The following MGST1 variants were observed in gnomAD, a reference collection of about 807,000 sequenced individuals.
MGST1 encodes the protein microsomal glutathione S-transferase 1, also known as glutathione S-transferase 12.
MGST1 carries 5 observed loss-of-function variants against 8.9 expected under a neutral mutation model. The observed-to-expected ratio is 0.56, with a 90% CI of 0.29 to 1.19. MGST1 has a LOEUF of 1.19. MGST1 is among the 50% of genes most tolerant of loss of function. MGST1 has a pLI of 0.08. For synonymous variants in MGST1, 54 were observed against 67.8 expected (o/e 0.80, Z 1.00); for missense variants, 182 against 187.4 (o/e 0.97, Z 0.17).
intron 4 of MGST1, among the ~76,000 whole-genome samples, chr12:16,468,598 T>C (rs1042886876): frequency 1.3e-5 from 2 of 152,198 alleles, no homozygotes; most frequent in African/African-American, 4.8e-5. Context: ...GCTTATTTCA[T>C]CAAAATATGG....
chr12:16,528,356 T>C (rs1941702127), intron 4 of MGST1, among the ~76,000 whole-genome samples: 2 of 151,818 alleles, frequency 1.3e-5, no homozygotes, highest in African/African-American at 4.8e-5. Flanking sequence ...AGTTGTCTTA[T>C]AGAGTGCAAG....
intron 1 of MGST1, among the ~76,000 whole-genome samples, chr12:16,405,584 A>AT (rs1403607436): frequency 6.6e-6 from 1 of 152,196 alleles, no homozygotes; most frequent in Non-Finnish European, 1.5e-5. Context: ...CATCATCTTG[A>AT]TACCAAAACC....
intron 4 of MGST1, among the ~76,000 whole-genome samples, chr12:16,520,537 G>T (rs1418011460): frequency 6.6e-6 from 1 of 152,130 alleles, no homozygotes; most frequent in Non-Finnish European, 1.5e-5. Flanking sequence ...TGTGAAGCAG[G>T]TTCCAGAGTA....
chr12:16,488,285 C>T (rs1420155129), intron 4 of MGST1, among the ~76,000 whole-genome samples: 1 of 152,280 alleles, frequency 6.6e-6, no homozygotes, highest in East Asian at 1.9e-4. Context: ...TAGCTTCACA[C>T]TACTTGAGTA....
chr12:16,527,983 C>T (rs746743121), intron 4 of MGST1, among the ~76,000 whole-genome samples: 67 of 151,868 alleles, frequency 4.4e-4, no homozygotes, highest in African/African-American at 1.5e-3. Context: ...GTTTGCAGAG[C>T]CAGGCAATAT....
chr12:16,468,204 G>A (rs1042465203), intron 4 of MGST1, among the ~76,000 whole-genome samples: 1 of 152,226 alleles, frequency 6.6e-6, no homozygotes, highest in South Asian at 2.1e-4. Context: ...CAATAAGAAC[G>A]AATGTTATTT....
intron 1 of MGST1, among the ~76,000 whole-genome samples, chr12:16,424,534 G>T (rs922779678): frequency 2.0e-5 from 3 of 152,016 alleles, no homozygotes; most frequent in African/African-American, 7.3e-5. Context: ...TTCTTGTAAG[G>T]CCCAGGATTG....
rs1555116337 is a variant in MGST1, at chr12:16,566,038, A to ATATG, written n.483-23488_483-23487insTGTA. Among the ~76,000 whole-genome samples the ATATG allele has an allele frequency of 2.3e-4, 21 of 90,520 alleles. 2 individuals are homozygous for ATATG. Among genetic ancestry groups the ATATG allele is most frequent in the Non-Finnish European group, 3.8e-4 (17 of 44,472 alleles). 59.4% of individuals were successfully genotyped at this position (90,520 alleles called of 152,430 possible). A position where few individuals can be genotyped will look rare whatever the true frequency, so the allele number is the denominator to read the frequency against. On this transcript the variant is annotated intron_variant and non_coding_transcript_variant, in intron 4 of 4. Transcript: ENST00000538857. ...TATATATATATATATATATATATAT[A>ATATG]TAAAATGGAGTACTATTCAGCCATA...
intron 4 of MGST1, among the ~76,000 whole-genome samples, chr12:16,465,397 A>T (rs1373880201): frequency 4.6e-5 from 7 of 152,184 alleles, no homozygotes; most frequent in Admixed American, 4.6e-4. Flanking sequence ...AGAGGTCCCC[A>T]AATCCCGGCC....
rs2137572770 is a variant in MGST1, at chr12:16,585,428, A to G, written n.483-4100A>G. Among the ~76,000 whole-genome samples, 2 of 152,354 alleles carry G rather than the reference A, an allele frequency of 1.3e-5. No individual in the cohort carries two copies. Among genetic ancestry groups the G allele is most frequent in the Middle Eastern group, 3.4e-3 (1 of 294 alleles). ...TATATTAAAGGTTATTTTTGCTACC[A>G]TCTTCATCCTACACAGTGAGCATAA... On this transcript the variant is annotated intron_variant and non_coding_transcript_variant, in intron 4 of 4. Coordinates refer to the MGST1 transcript ENST00000538857. The surrounding 1 kb of genome is among the most constrained non-coding windows in gnomAD (Gnocchi z 4.7).
intron 4 of MGST1, among the ~76,000 whole-genome samples, chr12:16,463,340 A>T (rs1225799271): frequency 2.7e-5 from 4 of 149,518 alleles, no homozygotes; most frequent in Non-Finnish European, 5.9e-5. Context: ...GTGCACAACC[A>T]TGTCCAGCTT....
chr12:16,502,349 C>T (rs548667828), intron 4 of MGST1, among the ~76,000 whole-genome samples: 50 of 152,264 alleles, frequency 3.3e-4, no homozygotes, highest in African/African-American at 1.0e-3. Context: ...CTCCCCAAGT[C>T]CCTAATAAAT....
intron 4 of MGST1, among the ~76,000 whole-genome samples, chr12:16,460,160 T>C (rs1242771966): frequency 6.6e-6 from 1 of 152,148 alleles, no homozygotes; most frequent in Non-Finnish European, 1.5e-5. Context: ...TTAGTTGTTA[T>C]TAGAGTGTCA....
chr12:16,513,472 A>G lies in MGST1; in HGVS notation n.483-76056A>G. On this transcript the variant is annotated intron_variant and non_coding_transcript_variant, in intron 4 of 4. Coordinates refer to the MGST1 transcript ENST00000538857. The surrounding 1 kb of genome is among the most constrained non-coding windows in gnomAD (Gnocchi z 4.2). ...CGGGCTCGCCTCTGATGCCCCTGCC[A>G]GAGCCAGCTCCTGGTGGACCCATGT... is the stretch of plus-strand genomic sequence containing the variant. The G allele has an allele frequency of 4.6e-6, 2 of 439,218 alleles. No homozygotes were observed. Among genetic ancestry groups the G allele is most frequent in the South Asian group, 1.7e-5 (1 of 57,938 alleles). 27.2% of individuals were successfully genotyped at this position (439,218 alleles called of 1,614,324 possible).
intron 1 of MGST1, among the ~76,000 whole-genome samples, chr12:16,349,743 CTTTTTTT>C (rs760899357): frequency 7.8e-6 from 1 of 127,408 alleles, no homozygotes; most frequent in South Asian, 2.5e-4. Flanking sequence ...CCCAGAGCTT[CTTTTTTT>C]TTTTTTTTTT....
chr12:16,355,002 G>C (rs1350694614), intron 2 of MGST1, among the ~76,000 whole-genome samples: 1 of 151,874 alleles, frequency 6.6e-6, no homozygotes, highest in African/African-American at 2.4e-5. Flanking sequence ...TATTCAAGCA[G>C]GGTTTATACG....
At chr12:16,378,332 A>C (rs1415854923), downstream of MGST1, among the ~76,000 whole-genome samples, 2 of 151,804 alleles carry the variant, frequency 1.3e-5, no homozygotes, top group East Asian at 3.9e-4. Context: ...TATAAGGTGT[A>C]AGGAAGGGAT....
At chr12:16,568,815 T>C (rs1404596863) in intron 4 of MGST1, among the ~76,000 whole-genome samples, 1 of 152,178 alleles carries the variant, frequency 6.6e-6, no homozygotes, top group Non-Finnish European at 1.5e-5. Context: ...TTTCTTTACA[T>C]CCCTGGATAT....
At chr12:16,354,716 T>C (rs1199021546) in intron 2 of MGST1, 1 of 166,506 alleles carries the variant, frequency 6.0e-6, no homozygotes, top group Non-Finnish European at 1.3e-5. Flanking sequence ...AATCATTTTC[T>C]AGACAGTTAA....
Sources: gnomAD v4.1 joint callset for allele counts (sites outside exome capture counted in the v4.1 genomes callset) on GRCh38, gnomAD v4.1.1 for gene constraint, Gnocchi (gnomAD v3.1) non-coding constraint, MANE v1.5 for transcripts, NCBI Gene and HGNC (gene_info 2026-07-23, HGNC 2026-07-21) for gene names.